The following MICU3 variants were observed in gnomAD, a reference collection of about 807,000 sequenced individuals.
MICU3 encodes the protein calcium uptake protein 3, mitochondrial.
In MICU3, 62 loss-of-function variants were observed where a neutral mutation model predicts 66.5. The ratio of observed to expected loss-of-function variants is 0.93; its 90% confidence interval spans 0.76 to 1.15. The LOEUF (loss-of-function observed/expected upper bound fraction) is 1.15. MICU3 is among the 50% of genes most tolerant of loss of function. The probability of loss-of-function intolerance (pLI) is 0.00; values close to 1 mark genes in which losing one functional copy is unlikely to be tolerated. For synonymous variants in MICU3, 308 were observed against 240.7 expected (o/e 1.28, Z -2.59); for missense variants, 779 against 664.4 (o/e 1.17, Z -1.90).
intron 4 of MICU3, among the ~76,000 whole-genome samples, chr8:17,079,606 C>T (rs1385564750): frequency 6.6e-6 from 1 of 151,848 alleles, no homozygotes; most frequent in Non-Finnish European, 1.5e-5. Flanking sequence ...GCAGTGGTGC[C>T]ATCATGGCTC....
At chr8:17,114,278 T>A in intron 12 of MICU3, 77 bp downstream of exon 12, 1 of 865,686 alleles carries the variant, frequency 1.2e-6, no homozygotes, top group Non-Finnish European at 1.9e-6. Flanking sequence ...ACCAATTAAT[T>A]AAATATGACA....
chr8:17,068,385 C>T (rs1411459007), intron 2 of MICU3, among the ~76,000 whole-genome samples: 1 of 152,170 alleles, frequency 6.6e-6, no homozygotes, highest in Admixed American at 6.5e-5. Context: ...CTTCCTCTTC[C>T]GATAAATACC....
the MICU3 span, among the ~76,000 whole-genome samples, chr8:17,136,034 T>C: frequency 6.6e-6 from 1 of 152,134 alleles, no homozygotes. Context: ...ACTTACTCCA[T>C]GTTATAGGAC....
At chr8:17,060,431 C>T (rs926232807) in intron 1 of MICU3, among the ~76,000 whole-genome samples, 2 of 152,072 alleles carry the variant, frequency 1.3e-5, no homozygotes, top group Non-Finnish European at 2.9e-5. Context: ...CCTCAGCCTC[C>T]CAAGTAGCTG....
intron 2 of MICU3, among the ~76,000 whole-genome samples, chr8:17,066,588 G>C (rs1380793011): frequency 1.9e-4 from 27 of 141,100 alleles, no homozygotes; most frequent in African/African-American, 7.3e-4. Context: ...TGTCCCCCGG[G>C]CTGGAGTTCA....
intron 4 of MICU3, among the ~76,000 whole-genome samples, chr8:17,078,472 A>C (rs1018694642): frequency 1.3e-5 from 2 of 152,092 alleles, no homozygotes; most frequent in Non-Finnish European, 2.9e-5. Context: ...TTTCTTTTAC[A>C]GGGTACCTTT....
chr8:17,118,768 G>A lies in MICU3; in HGVS notation c.1586G>A (p.Ser529Asn), dbSNP rs1802937902. Residue 529 changes from serine (S) to asparagine (N), a missense_variant, in exon 14 of 15, where the codon AGC (serine) becomes AAC (asparagine). Physicochemically the swap from Ser to Asn is conservative, Grantham distance 46. Transcript: ENST00000318063. ...FKSCLKKELH[S>N]R ...TCCTGCCTGAAGAAAGAACTTCACA[G>A]CAGATAAGTATGTTAGCTTCTATTT... The A allele has an allele frequency of 6.2e-7, 1 of 1,605,810 alleles. No homozygotes were observed. Among genetic ancestry groups the A allele is most frequent in the Non-Finnish European group, 8.5e-7 (1 of 1,172,962 alleles).
At chr8:17,104,660 A>T (rs1230192720) in intron 10 of MICU3, among the ~76,000 whole-genome samples, 169 bp downstream of exon 10, 1 of 152,018 alleles carries the variant, frequency 6.6e-6, no homozygotes, top group African/African-American at 2.4e-5. Flanking sequence ...ACCAGTGGTT[A>T]TATTGATAAT....
In MICU3 at chr8:17,110,336, G is replaced by T. The variant is rs527256466; in HGVS notation, c.1258-3757G>T. On this transcript the variant is annotated intron_variant, in intron 11 of 14. Transcript: ENST00000318063. The stretch of plus-strand genomic sequence containing the variant: ...TGAGATTTAGTGAATTCACAATATT[G>T]TGCAACTGCCACCTCTTTCTACTTC... 3.3e-5 allele frequency among the ~76,000 whole-genome samples: 5 copies of T among 152,080 alleles called. No individual in the cohort carries two copies. In the East Asian group the frequency reaches 7.8e-4, roughly 24 times the overall value.
chr8:17,111,466 C>A (rs1802201495), intron 11 of MICU3, among the ~76,000 whole-genome samples: 1 of 152,062 alleles, frequency 6.6e-6, no homozygotes, highest in African/African-American at 2.4e-5. Flanking sequence ...GGAGTACAGT[C>A]CCATGCTACC....
At chr8:17,030,557 C>T (rs1242029586) in intron 1 of MICU3, among the ~76,000 whole-genome samples, 1 of 151,860 alleles carries the variant, frequency 6.6e-6, no homozygotes. Flanking sequence ...AGTGTAACAT[C>T]CAAATGTCAG....
rs772041395 is a variant in MICU3, at chr8:17,118,790, A to C, written c.*15A>C. 9.8e-6 allele frequency: 15 copies of C among 1,536,692 alleles called. No individual in the cohort carries two copies. Among genetic ancestry groups the C allele is most frequent in the Non-Finnish European group, 1.3e-5 (15 of 1,111,364 alleles). On this transcript the variant is annotated intron_variant, in intron 14 of 14. Coordinates refer to ENST00000318063, the MANE Select transcript of MICU3 (RefSeq NM_181723.3). The stretch of plus-strand genomic sequence containing the variant: ...ACAGCAGATAAGTATGTTAGCTTCT[A>C]TTTGTCTAAATTTGTTCAGTAACAA...
At chr8:17,135,807 C>A in the MICU3 span, among the ~76,000 whole-genome samples, 1 of 152,068 alleles carries the variant, frequency 6.6e-6, no homozygotes, top group African/African-American at 2.4e-5. Flanking sequence ...AGTGTTGAAT[C>A]ATCTCAAATG....
At chr8:17,029,107 C>T (rs1355806165) in intron 1 of MICU3, among the ~76,000 whole-genome samples, 3 of 152,144 alleles carry the variant, frequency 2.0e-5, no homozygotes, top group Non-Finnish European at 2.9e-5. Flanking sequence ...CTAATAGTCT[C>T]CTGGGGTGTT....
chr8:17,093,695 A>G (rs1190860579), intron 8 of MICU3, among the ~76,000 whole-genome samples: 1 of 151,850 alleles, frequency 6.6e-6, no homozygotes, highest in African/African-American at 2.4e-5. Flanking sequence ...ATCTTAGTGA[A>G]TTGAATCCTC....
chr8:17,071,194 T>C lies in MICU3; in HGVS notation c.567+1475T>C, dbSNP rs182716266. Among the ~76,000 whole-genome samples, 675 of 152,208 alleles carry C rather than the reference T, an allele frequency of 4.4e-3. 9 individuals are homozygous for C. Among genetic ancestry groups the C allele is most frequent in the African/African-American group, 0.015 (621 of 41,544 alleles). Reference sequence around the variant, plus strand: ...CTGTTCCATAGCATTTTACTGGAAGTCTGGGCTAGTATAGTATACTAGGGC... The same window carrying C: ...CTGTTCCATAGCATTTTACTGGAAGCCTGGGCTAGTATAGTATACTAGGGC... On this transcript the variant is annotated intron_variant, in intron 3 of 14. Coordinates refer to ENST00000318063, the MANE Select transcript of MICU3 (RefSeq NM_181723.3).
At chr8:17,122,805 T>C (rs1227756212), downstream of MICU3, among the ~76,000 whole-genome samples, 3 of 152,018 alleles carry the variant, frequency 2.0e-5, no homozygotes, top group Non-Finnish European at 2.9e-5. Context: ...AACACCTTTG[T>C]GGGTAGGTAA....
intron 1 of MICU3, among the ~76,000 whole-genome samples, chr8:17,060,309 TTC>T (rs1817626036): frequency 6.6e-6 from 1 of 151,794 alleles, no homozygotes; most frequent in African/African-American, 2.4e-5. Flanking sequence ...TTTTTTTTTT[TTC>T]TTTGAGACAG....
At chr8:17,088,644 A>G (rs187117402) in intron 7 of MICU3, among the ~76,000 whole-genome samples, 8 of 152,016 alleles carry the variant, frequency 5.3e-5, no homozygotes, top group Middle Eastern at 3.4e-3. Flanking sequence ...TTATTTGTTT[A>G]TTTATACTAC....
Sources: allele counts gnomAD v4.1 joint callset (sites outside exome capture counted in the v4.1 genomes callset), GRCh38; gene constraint gnomAD v4.1.1; transcripts MANE v1.5; gene names NCBI Gene and HGNC (gene_info 2026-07-23, HGNC 2026-07-21).